CDC73: variants seen among roughly 807,000 people sequenced by gnomAD.
CDC73 encodes the protein cell division cycle 73.
CDC73 carries 21 observed loss-of-function variants against 83.7 expected under a neutral mutation model. That is an observed-to-expected ratio of 0.25 (90% CI 0.18 to 0.36). The LOEUF is 0.36. CDC73 is among the 10% of genes least tolerant of loss of function. The pLI, the probability that CDC73 is intolerant of heterozygous loss-of-function variation, is 1.00. For missense variants in CDC73, 342 were observed against 653.3 expected (o/e 0.52, Z 5.19); for synonymous variants, 224 against 212.9 (o/e 1.05, Z -0.45).
At chr1:193,151,304 G>C (rs1053212182) in intron 9 of CDC73, among the ~76,000 whole-genome samples, 4 of 152,104 alleles carry the variant, frequency 2.6e-5, no homozygotes, top group African/African-American at 9.7e-5. Context: ...AGTTGTTAAA[G>C]GCATGCACTG....
intron 15 of CDC73, among the ~76,000 whole-genome samples, chr1:193,238,070 T>C (rs1677793666): frequency 6.6e-6 from 1 of 152,350 alleles, no homozygotes; most frequent in East Asian, 1.9e-4. Flanking sequence ...ATAAATGTTG[T>C]ATGAAATTCA....
chr1:193,129,907 A>G (rs529327805), intron 2 of CDC73, among the ~76,000 whole-genome samples: 1 of 152,334 alleles, frequency 6.6e-6, no homozygotes, highest in East Asian at 1.9e-4. Context: ...GATTTAAAAT[A>G]TATTGTATCA....
At chr1:193,207,011 G>T (rs1677199037) in intron 11 of CDC73, among the ~76,000 whole-genome samples, 1 of 152,150 alleles carries the variant, frequency 6.6e-6, no homozygotes, top group African/African-American at 2.4e-5. Flanking sequence ...GGGGGAACCA[G>T]CCCCCAATAT....
chr1:193,175,088 A>C (rs1430977977), intron 10 of CDC73, among the ~76,000 whole-genome samples: 1 of 152,178 alleles, frequency 6.6e-6, no homozygotes, highest in East Asian at 1.9e-4. Context: ...TAGCTTTAGC[A>C]AGGAAGAGAA....
intron 10 of CDC73, among the ~76,000 whole-genome samples, chr1:193,172,981 C>CTATA (rs1676544172): frequency 6.6e-6 from 1 of 152,122 alleles, no homozygotes; most frequent in Admixed American, 6.5e-5. Flanking sequence ...AATATGAATA[C>CTATA]TATAGCAAGT....
intron 10 of CDC73, among the ~76,000 whole-genome samples, chr1:193,162,221 T>C (rs1460312203): frequency 2.1e-5 from 2 of 94,834 alleles, no homozygotes; most frequent in Admixed American, 1.3e-4. Context: ...TATTATATAT[T>C]ATCTATTATA....
chr1:193,122,384 C>T (rs891023664), intron 1 of CDC73, 53 bp downstream of exon 1: 11 of 1,611,676 alleles, frequency 6.8e-6, no homozygotes, highest in East Asian at 2.2e-5. Context: ...TTGGGCGCCC[C>T]CAGGCGACCT....
At chr1:193,231,883 A>G (rs1326777683) in intron 13 of CDC73, among the ~76,000 whole-genome samples, 3 of 152,180 alleles carry the variant, frequency 2.0e-5, no homozygotes, top group African/African-American at 7.2e-5. Context: ...AAGCAGAATG[A>G]TACTCTCAAT....
intron 10 of CDC73, among the ~76,000 whole-genome samples, chr1:193,174,998 T>C (rs553360849): frequency 6.6e-6 from 1 of 152,354 alleles, no homozygotes; most frequent in Admixed American, 6.5e-5. Flanking sequence ...TTTTTTCTTT[T>C]AAATAAGTCT....
Position 193,193,098 on chromosome 1 carries a change from C to T in CDC73, c.973-10697C>T, listed in dbSNP as rs367664383. Among the ~76,000 whole-genome samples the T allele has an allele frequency of 4.4e-4, 67 of 152,290 alleles. No homozygotes were observed. In the South Asian group the frequency reaches 0.013, roughly 30 times the overall value. On this transcript the variant is annotated intron_variant, in intron 10 of 16. Transcript: ENST00000367435. The stretch of plus-strand genomic sequence containing the variant: ...ACCAAGCCCCTACAGCAAACCCTTA[C>T]AGCAAAGCAGACAAGAGACATGCCA...
rs1348459544 is a variant in CDC73 at position 193,251,146 on chromosome 1, A to G, written c.*434A>G. The stretch of plus-strand genomic sequence containing the variant: ...TCTCTGGAACATCCAAAACCAAGCA[A>G]AGGGATGTGACTATTTTGAATGAAT... On this transcript the variant is annotated 3_prime_UTR_variant, in exon 17 of 17. Coordinates refer to ENST00000367435, the MANE Select transcript of CDC73 (RefSeq NM_024529.5). 8.0e-6 allele frequency: 2 copies of G among 249,328 alleles called. No individual in the cohort carries two copies. The highest frequency in any genetic ancestry group is 1.6e-5 in the Non-Finnish European group (2 of 127,208). The allele number at this position is 249,328 out of a possible 1,614,324, so 15.4% of individuals were successfully genotyped here.
At chr1:193,222,842 G>T (rs1241556738) in intron 13 of CDC73, among the ~76,000 whole-genome samples, 5 of 136,510 alleles carry the variant, frequency 3.7e-5, no homozygotes, top group Non-Finnish European at 7.6e-5. Context: ...ACATACTTTA[G>T]ACCTTCTCAT....
At chr1:193,130,767 A>G (rs954342231) in intron 3 of CDC73, among the ~76,000 whole-genome samples, 1 of 152,130 alleles carries the variant, frequency 6.6e-6, no homozygotes, top group Non-Finnish European at 1.5e-5. Flanking sequence ...GTCAAAACTG[A>G]TTTAAGGATT....
chr1:193,183,679 C>T (rs1249941462), intron 10 of CDC73, among the ~76,000 whole-genome samples: 5 of 151,332 alleles, frequency 3.3e-5, no homozygotes, highest in Admixed American at 2.0e-4. Context: ...AATGACTCTC[C>T]GCTCCACTTC....
chr1:193,173,722 T>C (rs758199475), intron 10 of CDC73, among the ~76,000 whole-genome samples: 2 of 152,158 alleles, frequency 1.3e-5, no homozygotes, highest in Non-Finnish European at 2.9e-5. Flanking sequence ...TCTGAATATA[T>C]TTTTAAGGCA....
chr1:193,203,864 G>A lies in CDC73; in HGVS notation c.1030+12G>A, dbSNP rs1227935949. On this transcript the variant is annotated intron_variant, in intron 11 of 16. Transcript: ENST00000367435. ...AGTACCAAGACCAGGTAGAAATATA[G>A]AACTTTGCTTTTTGTTTTCTTTCAA... The A allele has an allele frequency of 3.1e-6, 5 of 1,612,488 alleles. No individual in the cohort carries two copies. The highest frequency in any genetic ancestry group is 1.3e-5 in the African/African-American group (1 of 74,998).
At chr1:193,192,537 C>A (rs1258845516) in intron 10 of CDC73, among the ~76,000 whole-genome samples, 1 of 152,132 alleles carries the variant, frequency 6.6e-6, no homozygotes. Context: ...GAACATTGAA[C>A]ATGCTTGATT....
At chr1:193,185,059 T>C (rs528014846) in intron 10 of CDC73, among the ~76,000 whole-genome samples, 40 of 152,190 alleles carry the variant, frequency 2.6e-4, no homozygotes, top group Admixed American at 2.4e-3. Flanking sequence ...CACACACATA[T>C]AGTGGCGGTA....
chr1:193,126,170 C>G (rs772313288), intron 2 of CDC73, among the ~76,000 whole-genome samples: 1 of 152,158 alleles, frequency 6.6e-6, no homozygotes, highest in African/African-American at 2.4e-5. Flanking sequence ...TGGAAGGACC[C>G]TGTTACTTCA....
Sources: gnomAD v4.1 joint callset for allele counts (sites outside exome capture counted in the v4.1 genomes callset) on GRCh38, gnomAD v4.1.1 for gene constraint, MANE v1.5 for transcripts, NCBI Gene and HGNC (gene_info 2026-07-23, HGNC 2026-07-21) for gene names.